Variants in NOX3 observed in about 807,000 individuals in gnomAD.
NOX3 encodes the protein NADPH oxidase catalytic subunit-like 3.
NOX3 carries 74 observed loss-of-function variants against 76.7 expected under a neutral mutation model. The ratio of observed to expected loss-of-function variants is 0.96; its 90% confidence interval spans 0.80 to 1.17. The LOEUF (loss-of-function observed/expected upper bound fraction) is 1.17, where lower values mean the gene tolerates loss of function less well. NOX3 is among the 50% of genes most tolerant of loss of function. The probability of loss-of-function intolerance (pLI) is 0.00; values close to 1 mark genes in which losing one functional copy is unlikely to be tolerated. For synonymous variants in NOX3, 263 were observed against 261.1 expected, an observed-to-expected ratio of 1.01 and a Z score of -0.07; for missense variants, 695 against 703.3, an observed-to-expected ratio of 0.99 and a Z score of 0.13.
intron 8 of NOX3, 22 bp from the exon 9 acceptor site, chr6:155,429,069 G>T (rs757004095): frequency 1.3e-6 from 2 of 1,511,164 alleles, no homozygotes; most frequent in South Asian, 1.3e-5. Context: ...TGAGAGAGTT[G>T]TTTGCCTTTG....
At chr6:155,445,945 A>AATATATATATGCTATATATATATT (rs1777056499) in intron 4 of NOX3, among the ~76,000 whole-genome samples, 2 of 139,532 alleles carry the variant, frequency 1.4e-5, no homozygotes, top group Non-Finnish European at 3.0e-5. Context: ...ATAGATATAT[A>AATATATATATGCTATATATATATT]ATATATATAT....
intron 10 of NOX3, among the ~76,000 whole-genome samples, chr6:155,415,137 TCC>T (rs2114684075): frequency 6.6e-6 from 1 of 152,320 alleles, no homozygotes; most frequent in East Asian, 1.9e-4. Context: ...TCTCTGTGTG[TCC>T]CTTCTCATTT....
Position 155,445,356 on chromosome 6 carries a change from C to A in NOX3, c.341-1938G>T, listed in dbSNP as rs1339158498. On this transcript the variant is annotated intron_variant, in intron 4 of 13. Coordinates refer to ENST00000159060, the MANE Select transcript of NOX3 (RefSeq NM_015718.3). The stretch of plus-strand genomic sequence containing the variant: ...AGTTACGGGATCCTCCGTGGTTGTA[C>A]ATTGTGGGTTGAGGTGTGGAAGAAG... Among the ~76,000 whole-genome samples, 3 of 152,124 alleles carry A rather than the reference C, an allele frequency of 2.0e-5. 1 individual carries two copies. In the East Asian group the frequency reaches 5.8e-4, roughly 29 times the overall value.
In NOX3 at chr6:155,431,413, AACACACAC is replaced by A. The variant is rs61041630; in HGVS notation, c.799-486_799-479del. Among the ~76,000 whole-genome samples the A allele has an allele frequency of 4.1e-3, 594 of 144,732 alleles. 2 individuals carry two copies. Among genetic ancestry groups the A allele is most frequent in the Admixed American group, 6.1e-3 (89 of 14,556 alleles). 94.9% of individuals were successfully genotyped at this position (144,732 alleles called of 152,430 possible). On this transcript the variant is annotated intron_variant, in intron 7 of 13. Coordinates refer to ENST00000159060, the MANE Select transcript of NOX3 (RefSeq NM_015718.3). Reference sequence around the variant, plus strand: ...CAGGGTCTGCCTGAATAAACACAGAAACACACACACACACACACACACACACACACACA... The same window carrying A: ...CAGGGTCTGCCTGAATAAACACAGAAACACACACACACACACACACACACA...
chr6:155,455,193 A>G, intron 1 of NOX3, 64 bp from the exon 2 acceptor site: 7 of 1,019,212 alleles, frequency 6.9e-6, no homozygotes, highest in Non-Finnish European at 1.0e-5. Context: ...ATTCAAAATC[A>G]CTTGGGGTTC....
intron 6 of NOX3, among the ~76,000 whole-genome samples, chr6:155,437,636 G>A (rs1471408820): frequency 6.6e-6 from 1 of 152,226 alleles, no homozygotes; most frequent in Non-Finnish European, 1.5e-5. Context: ...GACATAGGCA[G>A]GGTGAATAGT....
In NOX3 at chr6:155,422,844, G is replaced by T; in HGVS notation, c.1158C>A (p.Asp386Glu). ...EPWSLPRLAV[D>E]GPFGTALTDV... ...CTGTCAGGGCAGTTCCAAAGGGCCC[G>T]TCCACTGCCAGCCTGGAATCATAGA... The change falls in exon 10 of 14, where the codon GAC becomes GAA. Residue 386 changes from aspartate (D) to glutamate (E), a missense_variant. Transcript: ENST00000159060. 6.2e-7 allele frequency: 1 copy of T among 1,614,128 alleles called. No individual in the cohort carries two copies. Among genetic ancestry groups the T allele is most frequent in the African/African-American group, 1.3e-5 (1 of 75,060 alleles).
chr6:155,427,170 T>G (rs1776769640), intron 9 of NOX3, among the ~76,000 whole-genome samples: 1 of 152,142 alleles, frequency 6.6e-6, no homozygotes, highest in African/African-American at 2.4e-5. Context: ...TAGTCATGTG[T>G]TCTCATCTGA....
chr6:155,407,957 T>C (rs1776486804), intron 11 of NOX3, among the ~76,000 whole-genome samples: 1 of 152,032 alleles, frequency 6.6e-6, no homozygotes, highest in African/African-American at 2.4e-5. Flanking sequence ...ATCATTTTTG[T>C]TTGTTTGTTT....
intron 7 of NOX3, among the ~76,000 whole-genome samples, chr6:155,431,413 A>AAAACACACACAC (rs140214056): frequency 0.013 from 1,878 of 144,706 alleles, 22 homozygotes; most frequent in Middle Eastern, 0.065. Flanking sequence ...TAAACACAGA[A>AAAACACACACAC]ACACACACAC....
intron 4 of NOX3, among the ~76,000 whole-genome samples, 193 bp downstream of exon 4, chr6:155,453,211 G>C (rs926549091): frequency 1.3e-5 from 2 of 151,964 alleles, no homozygotes; most frequent in African/African-American, 2.4e-5. Context: ...TTGAGGTCTT[G>C]GTAGGGGAAA....
At chr6:155,430,694 G>A in intron 8 of NOX3, 149 bp downstream of exon 8, 1 of 596,980 alleles carries the variant, frequency 1.7e-6, no homozygotes, top group South Asian at 2.2e-5. Flanking sequence ...ACTAAAAGAT[G>A]CTCAGGATAC....
intron 12 of NOX3, among the ~76,000 whole-genome samples, chr6:155,401,460 T>C (rs973541364): frequency 6.6e-6 from 1 of 152,202 alleles, no homozygotes; most frequent in African/African-American, 2.4e-5. Flanking sequence ...GGGCCCTGTA[T>C]GCTATAATCA....
Position 155,426,984 on chromosome 6 carries a change from CGT to C in NOX3, c.1145+1808_1145+1809del, listed in dbSNP as rs764029957. Among the ~76,000 whole-genome samples, 164 of 41,912 alleles carry C rather than the reference CGT, an allele frequency of 3.9e-3. 6 individuals carry two copies. Among genetic ancestry groups the C allele is most frequent in the Middle Eastern group, 0.034 (2 of 58 alleles). 27.5% of individuals were successfully genotyped at this position (41,912 alleles called of 152,430 possible). On this transcript the variant is annotated intron_variant, in intron 9 of 13. Transcript: ENST00000159060. ...CCGAGAAAGCAGTTAGACACTGTGG[CGT>C]GTGTGTGTGTGTGTGTGTGTGTGTG...
At chr6:155,424,347 T>A (rs762117178) in intron 9 of NOX3, among the ~76,000 whole-genome samples, 1 of 152,182 alleles carries the variant, frequency 6.6e-6, no homozygotes. Flanking sequence ...TGACATGAAG[T>A]TGTTCAATAA....
rs113973868 is a variant in NOX3, at chr6:155,453,214, AG to A, written c.340+189del. Among the ~76,000 whole-genome samples, 1,513 of 152,308 alleles carry A rather than the reference AG, an allele frequency of 9.9e-3. 23 individuals carry two copies. The highest frequency in any genetic ancestry group is 0.033 in the African/African-American group (1,370 of 41,570). On this transcript the variant is annotated intron_variant, in intron 4 of 13. Coordinates refer to ENST00000159060, the MANE Select transcript of NOX3 (RefSeq NM_015718.3). Reference sequence around the variant, plus strand: ...TTCTTTGACCAATTGAGGTCTTGGTAGGGGAAAACGTATAGGTAAGTATAAA... The same window carrying A: ...TTCTTTGACCAATTGAGGTCTTGGTAGGGAAAACGTATAGGTAAGTATAAA...
intron 3 of NOX3, 150 bp from the exon 4 acceptor site, chr6:155,453,638 G>T: frequency 1.5e-6 from 1 of 645,642 alleles, no homozygotes; most frequent in Non-Finnish European, 2.8e-6. Flanking sequence ...TAGTCAAACA[G>T]GCAAATCAAA....
chr6:155,410,028 C>A (rs532587783), intron 11 of NOX3, among the ~76,000 whole-genome samples: 1 of 152,244 alleles, frequency 6.6e-6, no homozygotes, highest in East Asian at 1.9e-4. Context: ...CAGAAGCTGT[C>A]TCTACTTCAC....
At chr6:155,437,493 C>G (rs979841038) in intron 6 of NOX3, among the ~76,000 whole-genome samples, 1 of 152,176 alleles carries the variant, frequency 6.6e-6, no homozygotes, top group African/African-American at 2.4e-5. Context: ...GGAAAACAGC[C>G]TGGTGTCAGC....
Sources: allele counts gnomAD v4.1 joint callset (sites outside exome capture counted in the v4.1 genomes callset), GRCh38; gene constraint gnomAD v4.1.1; transcripts MANE v1.5; gene names NCBI Gene and HGNC (gene_info 2026-07-23, HGNC 2026-07-21).